UNC5D: variants seen among roughly 807,000 people sequenced by gnomAD.
UNC5D encodes the protein unc-5 netrin receptor D, also known as netrin receptor UNC5D.
Under a neutral mutation model 105.4 loss-of-function variants are expected in UNC5D, and 39 were observed. That is an observed-to-expected ratio of 0.37 (90% CI 0.29 to 0.48). UNC5D has a LOEUF of 0.48. Ranked by LOEUF, UNC5D falls within the 20% of genes least tolerant of loss-of-function variation. The pLI is 0.98. For missense variants in UNC5D, 991 were observed against 1,202.4 expected, an observed-to-expected ratio of 0.82 and a Z score of 2.60; for synonymous variants, 452 against 450.4, an observed-to-expected ratio of 1.00 and a Z score of -0.04.
chr8:35,438,116 C>A (rs959404324), intron 1 of UNC5D, among the ~76,000 whole-genome samples: 6 of 151,122 alleles, frequency 4.0e-5, no homozygotes, highest in Admixed American at 1.3e-4. Context: ...AACAAACAAA[C>A]AAAAAACAAA....
chr8:35,533,745 C>T (rs973748663), intron 1 of UNC5D, among the ~76,000 whole-genome samples: 3 of 152,188 alleles, frequency 2.0e-5, no homozygotes, highest in South Asian at 2.1e-4. Flanking sequence ...GATATAATCT[C>T]GTGGTTCGCC....
intron 1 of UNC5D, among the ~76,000 whole-genome samples, chr8:35,339,971 A>G (rs950552037): frequency 1.3e-5 from 2 of 152,136 alleles, no homozygotes; most frequent in Admixed American, 6.5e-5. Flanking sequence ...TTCACAAAAC[A>G]TTGTTGGTTT....
chr8:35,270,438 C>A (rs1182437913), intron 1 of UNC5D, among the ~76,000 whole-genome samples: 1 of 152,134 alleles, frequency 6.6e-6, no homozygotes, highest in Non-Finnish European at 1.5e-5. Context: ...AGGAGACGAG[C>A]TTTATGAGAA....
intron 1 of UNC5D, among the ~76,000 whole-genome samples, chr8:35,462,498 C>T (rs1225726741): frequency 6.6e-6 from 1 of 152,140 alleles, no homozygotes; most frequent in Non-Finnish European, 1.5e-5. Flanking sequence ...AAACTTGAAT[C>T]ATAGAGATGA....
At position 35,686,580 on chromosome 8, in the gene UNC5D, G is replaced by A. The variant is rs545883862; in HGVS notation, c.955G>A (p.Val319Ile). ...GSWEVWSEWSVCSPECEHLRI... is the reference protein window; with the variant it reads ...GSWEVWSEWSICSPECEHLRI... ...CTGGGAAGTGTGGAGCGAATGGTCC[G>A]TCTGCAGTCCAGAGTGTGAACATTT... Residue 319 changes from valine to isoleucine, a missense_variant, in exon 7 of 17, where the codon GTC (valine) becomes ATC (isoleucine). Physicochemically the swap from Val to Ile is conservative, Grantham distance 29. Coordinates refer to ENST00000404895, the MANE Select transcript of UNC5D (RefSeq NM_080872.4). The A allele has an allele frequency of 3.6e-5, 57 of 1,595,668 alleles. No individual in the cohort carries two copies. The highest frequency in any genetic ancestry group is 8.2e-5 in the African/African-American group (6 of 73,486).
intron 4 of UNC5D, among the ~76,000 whole-genome samples, chr8:35,612,627 G>C (rs535245223): frequency 1.3e-5 from 2 of 150,636 alleles, no homozygotes; most frequent in African/African-American, 4.9e-5. Context: ...GAGAATCAAA[G>C]GTTCTTAAAG....
intron 7 of UNC5D, among the ~76,000 whole-genome samples, chr8:35,687,441 C>CA (rs34104800): frequency 0.038 from 1,971 of 51,462 alleles, 29 homozygotes; most frequent in Non-Finnish European, 0.052. Context: ...GACTCCGTCT[C>CA]AAAAAAAAAA....
intron 1 of UNC5D, among the ~76,000 whole-genome samples, chr8:35,382,138 ACCC>A (rs1803084185): frequency 6.6e-6 from 1 of 152,194 alleles, no homozygotes; most frequent in Non-Finnish European, 1.5e-5. Context: ...AACACAGTAG[ACCC>A]AGCACAAAGC....
chr8:35,719,234 T>A (rs888759573), intron 8 of UNC5D, among the ~76,000 whole-genome samples: 1 of 150,366 alleles, frequency 6.7e-6, no homozygotes, highest in Admixed American at 6.6e-5. Flanking sequence ...AATCTAGAAC[T>A]AAACCTTGGG....
intron 11 of UNC5D, 30 bp from the exon 12 acceptor site, chr8:35,748,497 C>T (rs1354725756): frequency 1.2e-6 from 2 of 1,602,892 alleles, no homozygotes; most frequent in Middle Eastern, 1.7e-4. Flanking sequence ...CTACATACTT[C>T]TCTCTTCTAT....
chr8:35,544,008 T>G (rs1240572854), intron 1 of UNC5D, among the ~76,000 whole-genome samples: 1 of 152,210 alleles, frequency 6.6e-6, no homozygotes, highest in Non-Finnish European at 1.5e-5. Context: ...CTGAGGTGGC[T>G]GGAGTCAGAG....
At chr8:35,694,953 A>G (rs1486006312) in intron 7 of UNC5D, among the ~76,000 whole-genome samples, 1 of 152,212 alleles carries the variant, frequency 6.6e-6, no homozygotes, top group African/African-American at 2.4e-5. Context: ...CAAGAGTATC[A>G]ACAGTGAGAT....
intron 1 of UNC5D, among the ~76,000 whole-genome samples, chr8:35,358,154 C>T (rs562111969): frequency 1.3e-5 from 2 of 152,138 alleles, no homozygotes; most frequent in South Asian, 2.1e-4. Flanking sequence ...TGGGTATATA[C>T]CCAAAGGAAT....
chr8:35,429,014 A>G (rs940853822), intron 1 of UNC5D, among the ~76,000 whole-genome samples: 1 of 152,188 alleles, frequency 6.6e-6, no homozygotes, highest in Non-Finnish European at 1.5e-5. Flanking sequence ...CTCTTAAAAG[A>G]CTTTGTCCCA....
chr8:35,630,387 T>C (rs1460577200), intron 4 of UNC5D, among the ~76,000 whole-genome samples: 1 of 152,208 alleles, frequency 6.6e-6, no homozygotes, highest in Non-Finnish European at 1.5e-5. Flanking sequence ...AGAAAATAAG[T>C]CTTAATTCAT....
chr8:35,551,815 T>TAA (rs202035262), intron 2 of UNC5D, among the ~76,000 whole-genome samples: 5 of 139,602 alleles, frequency 3.6e-5, no homozygotes, highest in South Asian at 2.3e-4. Flanking sequence ...AGACTCCGTC[T>TAA]AAAAAAAAAA....
chr8:35,754,329 G>T (rs1220193691), intron 13 of UNC5D, among the ~76,000 whole-genome samples: 2 of 152,138 alleles, frequency 1.3e-5, no homozygotes, highest in Non-Finnish European at 2.9e-5. Flanking sequence ...ATGATGATAC[G>T]TTTGTTGTGA....
chr8:35,689,635 C>G (rs567008185), intron 7 of UNC5D, among the ~76,000 whole-genome samples: 2 of 152,300 alleles, frequency 1.3e-5, no homozygotes, highest in East Asian at 3.9e-4. Context: ...GGAAGGCTGT[C>G]AGGCAGGAAG....
chr8:35,585,747 G>T (rs990578933), intron 3 of UNC5D, among the ~76,000 whole-genome samples: 7 of 151,130 alleles, frequency 4.6e-5, no homozygotes, highest in Non-Finnish European at 1.0e-4. Flanking sequence ...AGTGAAACTT[G>T]GTACAATAAA....
Sources: gnomAD v4.1 joint callset for allele counts (sites outside exome capture counted in the v4.1 genomes callset) on GRCh38, gnomAD v4.1.1 for gene constraint, MANE v1.5 for transcripts, NCBI Gene and HGNC (gene_info 2026-07-23, HGNC 2026-07-21) for gene names.